The following JMY variants were observed in gnomAD, a reference collection of about 807,000 sequenced individuals.
JMY encodes the protein junction-mediating and -regulatory protein.
JMY carries 46 observed loss-of-function variants against 103.3 expected under a neutral mutation model. The observed-to-expected ratio is 0.45, with a 90% CI of 0.35 to 0.57. JMY has a LOEUF of 0.57. Ranked by LOEUF, JMY falls within the 20% of genes least tolerant of loss-of-function variation. The pLI, the probability that JMY is intolerant of heterozygous loss-of-function variation, is 0.00. For synonymous variants in JMY, 526 were observed against 489.3 expected (o/e 1.07, Z -0.99); for missense variants, 1,238 against 1,255.2 (o/e 0.99, Z 0.21).
At chr5:79,273,046 C>T (rs1580346480) in intron 1 of JMY, among the ~76,000 whole-genome samples, 1 of 152,286 alleles carries the variant, frequency 6.6e-6, no homozygotes, top group East Asian at 1.9e-4. Flanking sequence ...AACTTCAGTA[C>T]AGTCGTATGA....
chr5:79,310,684 T>C (rs943695348), intron 7 of JMY, among the ~76,000 whole-genome samples: 2 of 152,242 alleles, frequency 1.3e-5, no homozygotes, highest in African/African-American at 2.4e-5. Context: ...TAAGGAAGTT[T>C]ATTTTAATAT....
intron 2 of JMY, among the ~76,000 whole-genome samples, chr5:79,278,615 C>CAAAAAAAAAAA (rs1476593886): frequency 1.5e-5 from 1 of 64,960 alleles, no homozygotes; most frequent in South Asian, 4.3e-4. Context: ...AAAAAAAAAT[C>CAAAAAAAAAAA]AAACTAGCTG....
intron 1 of JMY, among the ~76,000 whole-genome samples, chr5:79,242,926 C>A (rs1328166600): frequency 6.6e-6 from 1 of 151,918 alleles, no homozygotes. Context: ...TGGGATTACA[C>A]GTGCATGCAA....
intron 1 of JMY, among the ~76,000 whole-genome samples, chr5:79,252,963 TTC>T (rs1252907317): frequency 6.6e-6 from 1 of 152,206 alleles, no homozygotes; most frequent in African/African-American, 2.4e-5. Context: ...TTTTGTTGTT[TTC>T]TGTTTGTTTT....
rs1746404404 is a variant in JMY, at chr5:79,291,008, T to A, written c.1358-122T>A. ...TCATAAAAGAAAAAAAGAAAAAAGT[T>A]ATAAGCAGTTTATCATGACAGCAGG... On this transcript the variant is annotated intron_variant, in intron 3 of 10. Transcript: ENST00000396137. 18 of 658,024 alleles carry A rather than the reference T, an allele frequency of 2.7e-5. No individual in the cohort carries two copies. In the South Asian group the frequency reaches 5.5e-4, roughly 20 times the overall value. The allele number at this position is 658,024 out of a possible 1,614,324, so 40.8% of individuals were successfully genotyped here.
chr5:79,236,359 C>T lies in JMY; in HGVS notation c.-292C>T, dbSNP rs1026462788. ...ACGGCCTCGCGCGGGGGGCGGCGGG[C>T]GGCCGCGAGGCGCTGCGGCAGCGCG... On this transcript the variant is annotated 5_prime_UTR_variant, in exon 1 of 11. Transcript: ENST00000396137. The T allele has an allele frequency of 1.2e-5, 3 of 248,798 alleles. No individual in the cohort carries two copies. Among genetic ancestry groups the T allele is most frequent in the Admixed American group, 1.1e-4 (2 of 17,916 alleles). 15.4% of individuals were successfully genotyped at this position (248,798 alleles called of 1,614,324 possible). A position where few individuals can be genotyped will look rare whatever the true frequency, so the allele number is the denominator to read the frequency against.
chr5:79,292,578 C>T (rs1159455248), intron 4 of JMY, among the ~76,000 whole-genome samples: 1 of 152,140 alleles, frequency 6.6e-6, no homozygotes, highest in Non-Finnish European at 1.5e-5. Flanking sequence ...GCATCTGTCT[C>T]CCAAGGTGCT....
At chr5:79,250,054 C>G (rs1198381117) in intron 1 of JMY, among the ~76,000 whole-genome samples, 1 of 152,110 alleles carries the variant, frequency 6.6e-6, no homozygotes, top group South Asian at 2.1e-4. Context: ...ATATAGAAAC[C>G]GTCATAAATG....
At chr5:79,289,331 G>GT (rs1390617419) in intron 2 of JMY, among the ~76,000 whole-genome samples, 1 of 149,170 alleles carries the variant, frequency 6.7e-6, no homozygotes, top group Non-Finnish European at 1.5e-5. Context: ...CTTGATCAGT[G>GT]TTTTTTTAAG....
At chr5:79,290,010 C>T in intron 2 of JMY, 111 bp from the exon 3 acceptor site, 7 of 710,682 alleles carry the variant, frequency 9.8e-6, no homozygotes, top group South Asian at 5.7e-5. Flanking sequence ...ATAGCTTATC[C>T]TCTTGAGCAG....
rs1017653896 is a variant in JMY, at chr5:79,236,402, C to T, written c.-249C>T. On this transcript the variant is annotated 5_prime_UTR_variant, in exon 1 of 11. Coordinates refer to ENST00000396137, the MANE Select transcript of JMY (RefSeq NM_152405.5). ...GCAGCGCGGAGCTTGTAAACAGATC[C>T]GGCCGCAGGTGACCATGTGAACTAC... 2 of 343,546 alleles carry T rather than the reference C, an allele frequency of 5.8e-6. No homozygotes were observed. The highest frequency in any genetic ancestry group is 1.0e-5 in the Non-Finnish European group (2 of 191,272). 21.3% of individuals were successfully genotyped at this position (343,546 alleles called of 1,614,324 possible).
intron 1 of JMY, among the ~76,000 whole-genome samples, chr5:79,272,897 A>G (rs1218928513): frequency 2.0e-5 from 3 of 152,196 alleles, no homozygotes; most frequent in Admixed American, 1.3e-4. Context: ...CGGCCTCCCA[A>G]AGTGCTGGGA....
At chr5:79,271,728 A>G (rs1193474745) in intron 1 of JMY, among the ~76,000 whole-genome samples, 1 of 152,208 alleles carries the variant, frequency 6.6e-6, no homozygotes, top group Non-Finnish European at 1.5e-5. Context: ...TTTCCATTAT[A>G]ACTTAATGTA....
chr5:79,302,701 G>T (rs78021755), intron 6 of JMY, among the ~76,000 whole-genome samples: 2,564 of 152,276 alleles, frequency 0.017, 97 homozygotes, highest in African/African-American at 0.058. Flanking sequence ...CCTGAGCTTT[G>T]TCTGTAGTAT....
chr5:79,265,949 G>A (rs993671238), intron 1 of JMY, among the ~76,000 whole-genome samples: 7 of 152,038 alleles, frequency 4.6e-5, no homozygotes, highest in Admixed American at 4.6e-4. Flanking sequence ...CACTCGGCTA[G>A]TACTGTATTT....
chr5:79,265,957 T>G (rs1462812212), intron 1 of JMY, among the ~76,000 whole-genome samples: 1 of 152,018 alleles, frequency 6.6e-6, no homozygotes, highest in Non-Finnish European at 1.5e-5. Flanking sequence ...TAGTACTGTA[T>G]TTTTAGTAGA....
chr5:79,300,810 G>A lies in JMY; in HGVS notation c.1828G>A (p.Glu610Lys). 6.2e-7 allele frequency: 1 copy of A among 1,609,472 alleles called. No homozygotes were observed. Among genetic ancestry groups the A allele is most frequent in the Non-Finnish European group, 8.5e-7 (1 of 1,178,482 alleles). The stretch of plus-strand genomic sequence containing the variant: ...ACTTCAGCAGAAAGCACGCCAGCTG[G>A]AAGCAAGACGTGGACGGGTTTCTGC... ...QKLQQKARQL[E>K]ARRGRVSAKK... Residue 610 changes from glutamate to lysine, a missense_variant, in exon 6 of 11, where the codon GAA (glutamate) becomes AAA (lysine). Transcript: ENST00000396137.
intron 1 of JMY, among the ~76,000 whole-genome samples, chr5:79,259,202 A>C (rs1270617556): frequency 6.6e-6 from 1 of 152,056 alleles, no homozygotes; most frequent in Non-Finnish European, 1.5e-5. Flanking sequence ...CAGCTCTCAG[A>C]AGAGAGGGTA....
chr5:79,252,836 G>T (rs935372168), intron 1 of JMY, among the ~76,000 whole-genome samples: 26 of 152,118 alleles, frequency 1.7e-4, no homozygotes, highest in African/African-American at 5.8e-4. Context: ...TGTGTTTCTT[G>T]TAGGTAACAG....
Sources: gnomAD v4.1 joint callset for allele counts (sites outside exome capture counted in the v4.1 genomes callset) on GRCh38, gnomAD v4.1.1 for gene constraint, MANE v1.5 for transcripts, NCBI Gene and HGNC (gene_info 2026-07-23, HGNC 2026-07-21) for gene names.